SLC16A1: variants seen among roughly 807,000 people sequenced by gnomAD.
The protein encoded by SLC16A1 is monocarboxylate transporter 1.
Under a neutral mutation model 32.2 loss-of-function variants are expected in SLC16A1, and 11 were observed. The ratio of observed to expected loss-of-function variants is 0.34; its 90% confidence interval spans 0.21 to 0.56. The LOEUF (loss-of-function observed/expected upper bound fraction) is 0.56. Among genes scored for constraint, SLC16A1 ranks in the 20% least tolerant of loss-of-function variants. The pLI is 0.87. For synonymous variants in SLC16A1, 231 were observed against 226.8 expected, an observed-to-expected ratio of 1.02 and a Z score of -0.17; for missense variants, 435 against 615.0, an observed-to-expected ratio of 0.71 and a Z score of 3.10.
intron 1 of SLC16A1, among the ~76,000 whole-genome samples, chr1:112,933,657 A>T (rs1178376095): frequency 6.6e-6 from 1 of 152,204 alleles, no homozygotes; most frequent in African/African-American, 2.4e-5. Context: ...ACATGTAAAG[A>T]TGCTGAATGT....
Position 112,913,762 on chromosome 1 carries a change from C to A in SLC16A1, c.*129G>T. The A allele has an allele frequency of 8.5e-7, 1 of 1,172,704 alleles. No homozygotes were observed. The highest frequency in any genetic ancestry group is 1.3e-6 in the Non-Finnish European group (1 of 792,456). The allele number at this position is 1,172,704 out of a possible 1,614,324, so 72.6% of individuals were successfully genotyped here. Reference sequence around the variant, plus strand: ...GTCAAACAAAAATCCCATCAATGAACAACTGGTATGATTTCCACACAAATG... The same window carrying A: ...GTCAAACAAAAATCCCATCAATGAAAAACTGGTATGATTTCCACACAAATG... On this transcript the variant is annotated 3_prime_UTR_variant, in exon 5 of 5. Coordinates refer to ENST00000369626, the MANE Select transcript of SLC16A1 (RefSeq NM_003051.4).
At chr1:112,915,897 T>A (rs1027372140) in intron 4 of SLC16A1, among the ~76,000 whole-genome samples, 1 of 152,230 alleles carries the variant, frequency 6.6e-6, no homozygotes, top group African/African-American at 2.4e-5. Flanking sequence ...TTTTTCACTA[T>A]GTGTTATGTA....
At chr1:112,947,848 CAA>C (rs1375870370) in intron 1 of SLC16A1, among the ~76,000 whole-genome samples, 3 of 152,270 alleles carry the variant, frequency 2.0e-5, no homozygotes, top group South Asian at 2.1e-4. Flanking sequence ...ACAAATCTCA[CAA>C]AAGAGTATTA....
Position 112,929,328 on chromosome 1 carries a change from CA to C in SLC16A1, c.-21del. 6.2e-7 allele frequency: 1 copy of C among 1,600,452 alleles called. No homozygotes were observed. Among genetic ancestry groups the C allele is most frequent in the South Asian group, 1.1e-5 (1 of 90,692 alleles). ...TGGCATTTTAAGTGTAGATAAATTC[CA>C]AAATGCAGGTCAAATCCAAATATCT... On this transcript the variant is annotated 5_prime_UTR_variant, in exon 2 of 5. Coordinates refer to ENST00000369626, the MANE Select transcript of SLC16A1 (RefSeq NM_003051.4).
At chr1:112,953,440 G>A (rs190678005) in intron 1 of SLC16A1, among the ~76,000 whole-genome samples, 149 of 152,312 alleles carry the variant, frequency 9.8e-4, no homozygotes, top group African/African-American at 3.4e-3. Flanking sequence ...TGGGATTACA[G>A]GCGTGAGCCA....
At chr1:112,945,406 G>A (rs969261095) in intron 1 of SLC16A1, among the ~76,000 whole-genome samples, 10 of 152,090 alleles carry the variant, frequency 6.6e-5, no homozygotes, top group Non-Finnish European at 2.9e-5. Context: ...CGGGCATGGT[G>A]GCTCACGCCT....
At chr1:112,928,062 A>G (rs529246704) in intron 2 of SLC16A1, among the ~76,000 whole-genome samples, 1 of 152,322 alleles carries the variant, frequency 6.6e-6, no homozygotes, top group South Asian at 2.1e-4. Flanking sequence ...AAACACTACA[A>G]TTAAGCACTT....
intron 1 of SLC16A1, among the ~76,000 whole-genome samples, chr1:112,933,196 G>T (rs1050690054): frequency 6.6e-6 from 1 of 152,100 alleles, no homozygotes; most frequent in Non-Finnish European, 1.5e-5. Context: ...TTGGCCGGGC[G>T]CAGTGGCTCA....
At chr1:112,920,026 A>T (rs780733490) in intron 3 of SLC16A1, among the ~76,000 whole-genome samples, 6 of 152,238 alleles carry the variant, frequency 3.9e-5, no homozygotes, top group Non-Finnish European at 8.8e-5. Context: ...AGCACCTAAA[A>T]TGGTTCCTAA....
intron 3 of SLC16A1, among the ~76,000 whole-genome samples, chr1:112,919,004 T>A (rs886831752): frequency 2.7e-5 from 4 of 147,394 alleles, no homozygotes; most frequent in African/African-American, 7.6e-5. Flanking sequence ...ATGAATGTAC[T>A]AATTTATTTT....
At chr1:112,921,184 A>G (rs1019026436) in intron 3 of SLC16A1, among the ~76,000 whole-genome samples, 1 of 152,098 alleles carries the variant, frequency 6.6e-6, no homozygotes, top group Non-Finnish European at 1.5e-5. Context: ...TAAAACCAAG[A>G]GATACTGTTC....
At chr1:112,932,440 G>A (rs977932225) in intron 1 of SLC16A1, among the ~76,000 whole-genome samples, 1 of 152,068 alleles carries the variant, frequency 6.6e-6, no homozygotes, top group Non-Finnish European at 1.5e-5. Context: ...AGCTGAGGTG[G>A]GAGGATCACT....
At chr1:112,921,106 A>C (rs1008375186) in intron 3 of SLC16A1, among the ~76,000 whole-genome samples, 7 of 150,130 alleles carry the variant, frequency 4.7e-5, no homozygotes, top group Non-Finnish European at 8.9e-5. Flanking sequence ...GCGCCACTGC[A>C]CTCCAGCCTG....
In SLC16A1 at chr1:112,917,347, A is replaced by G. The variant is rs1648549245; in HGVS notation, c.1059T>C (p.Tyr353=). 1.2e-6 allele frequency: 2 copies of G among 1,614,082 alleles called. No homozygotes were observed. Among genetic ancestry groups the G allele is most frequent in the African/African-American group, 1.3e-5 (1 of 74,924 alleles). ...CHMLAPLSTT[Y]VGFCVYAGFF... is the part of the protein sequence containing the mutation. ...ATCCCGCATAGACACAGAATCCAAC[A>G]TAGGTAGTGGATAAAGGTGCTAGCA... Residue 353 remains tyrosine, a synonymous_variant, in exon 4 of 5, where the codon TAT becomes TAC. Transcript: ENST00000369626. The surrounding 1 kb of genome is among the most constrained non-coding windows in gnomAD (Gnocchi z 4.1).
chr1:112,922,568 G>A (rs972878807), intron 2 of SLC16A1, among the ~76,000 whole-genome samples: 1 of 152,128 alleles, frequency 6.6e-6, no homozygotes, highest in Admixed American at 6.6e-5. Flanking sequence ...GAGGTCAGGA[G>A]TTCAAGACCA....
In SLC16A1 at chr1:112,913,941, C is replaced by T; in HGVS notation, c.1453G>A (p.Asp485Asn). The T allele has an allele frequency of 1.2e-6, 2 of 1,614,154 alleles. No homozygotes were observed. The highest frequency in any genetic ancestry group is 1.7e-6 in the Non-Finnish European group (2 of 1,180,020). The change falls in exon 5 of 5, where the codon GAC becomes AAC. Residue 485 changes from aspartate to asparagine, a missense_variant. Asp to Asn is a conservative substitution (Grantham distance 23). Coordinates refer to ENST00000369626, the MANE Select transcript of SLC16A1 (RefSeq NM_003051.4). ...GGCCCTCCATCTGTGTCTTTCTGGTCCGGAGATTCTGCTGCTTTGGTAACT... is the reference window on the plus strand; with the variant it reads ...GGCCCTCCATCTGTGTCTTTCTGGTTCGGAGATTCTGCTGCTTTGGTAACT... ...NEVTKAAESP[D>N]QKDTDGGPKE...
At chr1:112,924,127 C>G in intron 2 of SLC16A1, 1 of 1,404,614 alleles carries the variant, frequency 7.1e-7, no homozygotes, top group Admixed American at 1.7e-5. Context: ...GGCGCCAGCG[C>G]CCCCAGCATG....
At chr1:112,947,484 C>T (rs1426633279) in intron 1 of SLC16A1, among the ~76,000 whole-genome samples, 1 of 152,092 alleles carries the variant, frequency 6.6e-6, no homozygotes, top group Non-Finnish European at 1.5e-5. Context: ...ACAGAGAAAG[C>T]TTTTCCTTTT....
chr1:112,919,010 A>ATTTT (rs370253536), intron 3 of SLC16A1, among the ~76,000 whole-genome samples: 6 of 80,512 alleles, frequency 7.5e-5, no homozygotes, highest in Non-Finnish European at 1.4e-4. Context: ...GTACTAATTT[A>ATTTT]TTTTATTTAT....
Sources: gnomAD v4.1 joint callset for allele counts (sites outside exome capture counted in the v4.1 genomes callset) on GRCh38, gnomAD v4.1.1 for gene constraint, Gnocchi (gnomAD v3.1) non-coding constraint, MANE v1.5 for transcripts, NCBI Gene and HGNC (gene_info 2026-07-23, HGNC 2026-07-21) for gene names.